The following CHST11 variants were observed in gnomAD, a reference collection of about 807,000 sequenced individuals.
CHST11 encodes the protein carbohydrate sulfotransferase 11, also known as C4S-1.
A neutral mutation model predicts 30.4 loss-of-function variants in CHST11; 9 were observed. The ratio of observed to expected loss-of-function variants is 0.30; its 90% CI spans 0.18 to 0.52. The LOEUF (loss-of-function observed/expected upper bound fraction) is 0.52. Ranked by LOEUF, CHST11 falls within the 20% of genes least tolerant of loss-of-function variation. CHST11 has a pLI of 0.97. For missense variants in CHST11, 348 were observed against 460.6 expected, an observed-to-expected ratio of 0.76 and a Z score of 2.24; for synonymous variants, 152 against 187.8, an observed-to-expected ratio of 0.81 and a Z score of 1.56.
intron 2 of CHST11, among the ~76,000 whole-genome samples, chr12:104,668,835 T>C (rs2039664916): frequency 6.6e-6 from 1 of 152,180 alleles, no homozygotes; most frequent in Admixed American, 6.5e-5. Flanking sequence ...ATACAGTTGT[T>C]TTCCTGTAAG....
intron 1 of CHST11, among the ~76,000 whole-genome samples, chr12:104,521,356 C>T (rs914533763): frequency 4.6e-5 from 7 of 152,248 alleles, no homozygotes; most frequent in East Asian, 1.9e-4. Context: ...CTTTGTGGTC[C>T]GCGTTTTGGG....
chr12:104,610,991 A>G (rs756673229), intron 2 of CHST11, among the ~76,000 whole-genome samples: 5 of 152,216 alleles, frequency 3.3e-5, no homozygotes, highest in Non-Finnish European at 7.3e-5. Flanking sequence ...TTTTATTTGC[A>G]TGCAAGAAAC....
intron 2 of CHST11, among the ~76,000 whole-genome samples, chr12:104,686,070 A>G (rs2039843273): frequency 6.6e-6 from 1 of 151,910 alleles, no homozygotes; most frequent in Non-Finnish European, 1.5e-5. Context: ...CTCTACGAAA[A>G]CATTTTTAAA....
At chr12:104,716,190 A>G (rs1011461200) in intron 2 of CHST11, among the ~76,000 whole-genome samples, 1 of 152,248 alleles carries the variant, frequency 6.6e-6, no homozygotes. Flanking sequence ...TCTGCTTTAA[A>G]TGGGGACTCC....
intron 2 of CHST11, among the ~76,000 whole-genome samples, chr12:104,750,858 A>C (rs1373570214): frequency 6.6e-6 from 1 of 152,204 alleles, no homozygotes; most frequent in Non-Finnish European, 1.5e-5. Flanking sequence ...TTTAAAATTA[A>C]AAAATTATAA....
At chr12:104,543,702 C>T (rs2038306979) in intron 1 of CHST11, among the ~76,000 whole-genome samples, 1 of 152,176 alleles carries the variant, frequency 6.6e-6, no homozygotes, top group Admixed American at 6.5e-5. Context: ...TCACTGAAGT[C>T]ACTGTATACT....
At chr12:104,598,134 G>A (rs2038924597) in intron 1 of CHST11, among the ~76,000 whole-genome samples, 1 of 152,212 alleles carries the variant, frequency 6.6e-6, no homozygotes, top group Admixed American at 6.5e-5. Flanking sequence ...CTTCCCTAAT[G>A]CCACTTGTAA....
intron 1 of CHST11, among the ~76,000 whole-genome samples, chr12:104,599,264 AT>A (rs2038935418): frequency 6.6e-6 from 1 of 152,216 alleles, no homozygotes; most frequent in Non-Finnish European, 1.5e-5. Flanking sequence ...CGGTCAAAGC[AT>A]TTTAAAGGCC....
At chr12:104,541,536 A>T (rs1228247762) in intron 1 of CHST11, among the ~76,000 whole-genome samples, 1 of 151,894 alleles carries the variant, frequency 6.6e-6, no homozygotes, top group Non-Finnish European at 1.5e-5. Flanking sequence ...ACATTTTTTA[A>T]ATGTCTGTGG....
chr12:104,631,272 G>A lies in CHST11; in HGVS notation c.204+29281G>A, dbSNP rs577800665. Among the ~76,000 whole-genome samples, 11 of 152,278 alleles carry A rather than the reference G, an allele frequency of 7.2e-5. No individual in the cohort carries two copies. In the South Asian group the frequency reaches 1.7e-3, roughly 23 times the overall value. On this transcript the variant is annotated intron_variant, in intron 2 of 2. Transcript: ENST00000303694. ...GAAATCCTTTTCAGTGGGGTCACCC[G>A]GGGCAAGTCATTCACTCTTCCTCAG... is the stretch of plus-strand genomic sequence containing the variant.
chr12:104,672,448 A>G (rs1164159413), intron 2 of CHST11, among the ~76,000 whole-genome samples: 1 of 152,242 alleles, frequency 6.6e-6, no homozygotes, highest in East Asian at 1.9e-4. Flanking sequence ...CTGCCAAAAT[A>G]CTGCAGAGAA....
At chr12:104,545,777 TG>T (rs1041677264) in intron 1 of CHST11, among the ~76,000 whole-genome samples, 10 of 152,184 alleles carry the variant, frequency 6.6e-5, no homozygotes, top group Non-Finnish European at 1.2e-4. Flanking sequence ...TAGCCTCACA[TG>T]GTTGAGGATG....
chr12:104,693,495 G>C (rs1403414897), intron 2 of CHST11, among the ~76,000 whole-genome samples: 1 of 152,240 alleles, frequency 6.6e-6, no homozygotes, highest in East Asian at 1.9e-4. Context: ...GGCACACCAG[G>C]ATGTGTGGTC....
At chr12:104,634,627 T>C (rs1207844987) in intron 2 of CHST11, among the ~76,000 whole-genome samples, 5 of 152,248 alleles carry the variant, frequency 3.3e-5, no homozygotes, top group African/African-American at 9.6e-5. Flanking sequence ...TTTTACTTTA[T>C]GTCAAATATA....
chr12:104,518,966 T>C (rs910506731), intron 1 of CHST11, among the ~76,000 whole-genome samples: 1 of 118,122 alleles, frequency 8.5e-6, no homozygotes, highest in South Asian at 2.7e-4. Context: ...CTTTTTCTTT[T>C]TTTCTTTCTT....
chr12:104,628,175 G>C (rs767674827), intron 2 of CHST11, among the ~76,000 whole-genome samples: 1 of 152,122 alleles, frequency 6.6e-6, no homozygotes, highest in Admixed American at 6.5e-5. Context: ...TCAGGGCCCC[G>C]ACATTCGCCA....
At chr12:104,683,598 C>T (rs2039818070) in intron 2 of CHST11, among the ~76,000 whole-genome samples, 2 of 152,326 alleles carry the variant, frequency 1.3e-5, no homozygotes, top group South Asian at 4.1e-4. Flanking sequence ...ATTCCCCTTT[C>T]AGCCACCCCA....
intron 1 of CHST11, among the ~76,000 whole-genome samples, chr12:104,487,549 A>G (rs1361449615): frequency 6.6e-6 from 1 of 152,248 alleles, no homozygotes; most frequent in East Asian, 1.9e-4. Flanking sequence ...GGCATGAGCC[A>G]TTGCTCCTGG....
At chr12:104,499,110 T>C (rs2037828303) in intron 1 of CHST11, among the ~76,000 whole-genome samples, 1 of 152,250 alleles carries the variant, frequency 6.6e-6, no homozygotes, top group Non-Finnish European at 1.5e-5. Context: ...ACCATGATTC[T>C]TGTTTTTCAG....
Sources: allele counts gnomAD v4.1 joint callset (sites outside exome capture counted in the v4.1 genomes callset), GRCh38; gene constraint gnomAD v4.1.1; transcripts MANE v1.5; gene names NCBI Gene and HGNC (gene_info 2026-07-23, HGNC 2026-07-21).